POTEC: variants seen among roughly 807,000 people sequenced by gnomAD.
The protein encoded by POTEC is ANKRD26-like family B member 2.
POTEC carries 35 observed loss-of-function variants against 62.0 expected under a neutral mutation model. That is an observed-to-expected ratio of 0.56 (90% CI 0.43 to 0.75). The LOEUF is 0.75. Among genes scored for constraint, POTEC ranks in the 30% least tolerant of loss-of-function variants. POTEC has a pLI of 0.00. For missense variants in POTEC, 472 were observed against 655.9 expected (o/e 0.72, Z 3.06); for synonymous variants, 156 against 221.5 (o/e 0.70, Z 2.62).
chr18:14,539,245 G>A (rs1456766569), intron 1 of POTEC, among the ~76,000 whole-genome samples: 1 of 151,680 alleles, frequency 6.6e-6, no homozygotes, highest in East Asian at 1.9e-4. Context: ...TTTTAAAATG[G>A]ATTTATGAAA....
intron 1 of POTEC, among the ~76,000 whole-genome samples, chr18:14,542,300 C>T (rs1452255826): frequency 6.6e-6 from 1 of 152,126 alleles, no homozygotes; most frequent in Non-Finnish European, 1.5e-5. Context: ...CAATATACAC[C>T]TTTCTATAGT....
At chr18:14,523,937 G>A (rs1910372364) in intron 7 of POTEC, among the ~76,000 whole-genome samples, 1 of 152,094 alleles carries the variant, frequency 6.6e-6, no homozygotes, top group Non-Finnish European at 1.5e-5. Flanking sequence ...CCTAACTAGT[G>A]AGCCCTTGTA....
chr18:14,521,175 A>G (rs1336030503), intron 9 of POTEC, among the ~76,000 whole-genome samples: 10 of 152,156 alleles, frequency 6.6e-5, no homozygotes, highest in Admixed American at 6.6e-4. Flanking sequence ...TGAAGGTCCA[A>G]TATTTCGGCA....
chr18:14,533,545 AT>A, intron 4 of POTEC, among the ~76,000 whole-genome samples: 1 of 152,284 alleles, frequency 6.6e-6, no homozygotes, highest in Middle Eastern at 3.4e-3. Context: ...CTAGACTGAT[AT>A]GCTGTAATAG....
rs748338165 is a variant in POTEC at position 14,543,046 on chromosome 18, C to T, written c.101G>A (p.Cys34Tyr). The change falls in exon 1 of 11, where the codon TGC (cysteine) becomes TAC (tyrosine). Residue 34 changes from cysteine (C) to tyrosine (Y), a missense_variant. Cys to Tyr is a radical substitution (Grantham distance 194). This residue lies in a region of POTEC where 257 missense variants were observed against 250.7 expected (regional missense o/e 1.03). Transcript: ENST00000358970. Reference protein sequence around the residue: ...MGKWFHHRFPCCKGSGKSNMG... With the variant: ...MGKWFHHRFPYCKGSGKSNMG... The stretch of plus-strand genomic sequence containing the variant: ...GTTGCTCTTGCCGCTCCCCTTGCAG[C>T]AGGGGAAGCGGTGGTGAAACCACTT... The T allele has an allele frequency of 2.5e-6, 4 of 1,606,162 alleles. No individual in the cohort carries two copies. Among genetic ancestry groups the T allele is most frequent in the South Asian group, 2.2e-5 (2 of 90,590 alleles).
At chr18:14,532,658 G>C (rs1337844929) in intron 5 of POTEC, among the ~76,000 whole-genome samples, 3 of 152,078 alleles carry the variant, frequency 2.0e-5, no homozygotes, top group Admixed American at 6.5e-5. Flanking sequence ...TTTGGTTCTT[G>C]AAAAATTCAA....
chr18:14,527,832 T>C (rs991027812), intron 6 of POTEC: 6 of 152,102 alleles, frequency 3.9e-5, no homozygotes, highest in African/African-American at 1.4e-4. Flanking sequence ...GATTCCAAAC[T>C]TTATTTTGCC....
intron 10 of POTEC, among the ~76,000 whole-genome samples, chr18:14,513,033 G>GT (rs1289159862): frequency 1.3e-5 from 2 of 151,766 alleles, no homozygotes; most frequent in African/African-American, 4.8e-5. Flanking sequence ...CATTATAGTA[G>GT]TAAGTGTGAA....
chr18:14,542,576 TCCC>T (rs1905975387), intron 1 of POTEC, 47 bp downstream of exon 1: 1 of 1,610,748 alleles, frequency 6.2e-7, no homozygotes, highest in African/African-American at 1.3e-5. Flanking sequence ...GGAGGGTATG[TCCC>T]CATCATCCCC....
At chr18:14,529,112 T>C (rs537016207) in intron 6 of POTEC, 1 of 432,512 alleles carries the variant, frequency 2.3e-6, no homozygotes, top group East Asian at 7.0e-5. Context: ...AAAACTTTCA[T>C]TCCTCATCAC....
At position 14,513,705 on chromosome 18, in the gene POTEC, T is replaced by C; in HGVS notation, c.1490A>G (p.Lys497Arg). 6.2e-7 allele frequency: 1 copy of C among 1,611,782 alleles called. No homozygotes were observed. Among genetic ancestry groups the C allele is most frequent in the South Asian group, 1.1e-5 (1 of 90,890 alleles). ...GISQDEILTN[K>R]QKQIEVAEKK... The stretch of plus-strand genomic sequence containing the variant: ...TTCAGCCACTTCTATCTGCTTTTGT[T>C]TATTAGTCAGAATCTCATCTTGTGA... The change falls in exon 10 of 11, where the codon AAA becomes AGA. Residue 497 changes from lysine (K) to arginine (R), a missense_variant. By Grantham distance (26) the Lys-to-Arg change is conservative. Coordinates refer to ENST00000358970, the MANE Select transcript of POTEC (RefSeq NM_001137671.2).
chr18:14,518,902 G>A (rs187854140), intron 9 of POTEC, among the ~76,000 whole-genome samples: 2 of 151,976 alleles, frequency 1.3e-5, no homozygotes, highest in Admixed American at 1.3e-4. Context: ...CGAGTGAAAT[G>A]GGAGATAATC....
intron 6 of POTEC, 63 bp from the exon 7 acceptor site, chr18:14,525,046 T>C (rs1459605356): frequency 2.0e-5 from 31 of 1,573,416 alleles, no homozygotes; most frequent in Non-Finnish European, 2.6e-5. Flanking sequence ...AACTATTGCC[T>C]TTATAAAAAC....
At chr18:14,515,808 A>C (rs1235647267) in intron 9 of POTEC, among the ~76,000 whole-genome samples, 1 of 151,670 alleles carries the variant, frequency 6.6e-6, no homozygotes, top group East Asian at 1.9e-4. Flanking sequence ...AACCTACCAG[A>C]AACTCAAACA....
At chr18:14,528,556 T>C (rs1040947247) in intron 6 of POTEC, among the ~76,000 whole-genome samples, 1 of 151,996 alleles carries the variant, frequency 6.6e-6, no homozygotes, top group African/African-American at 2.4e-5. Flanking sequence ...AAATGTTGTG[T>C]TGTGAGAACA....
intron 6 of POTEC, among the ~76,000 whole-genome samples, chr18:14,525,501 C>G (rs1332412673): frequency 1.3e-5 from 2 of 151,816 alleles, no homozygotes; most frequent in Non-Finnish European, 2.9e-5. Flanking sequence ...TCCCCTCCCC[C>G]TCAGCATTTA....
rs778593082 is a variant in POTEC, at chr18:14,543,169, G to A, written c.-23C>T. ...CATCTGCTTTTAACAGCCCGGGGAGGCCGGTAGTAGCGAACAGATCGCGTC... is the reference window on the plus strand; with the variant it reads ...CATCTGCTTTTAACAGCCCGGGGAGACCGGTAGTAGCGAACAGATCGCGTC... On this transcript the variant is annotated 5_prime_UTR_variant, in exon 1 of 11. Coordinates refer to ENST00000358970, the MANE Select transcript of POTEC (RefSeq NM_001137671.2). 8 of 1,613,736 alleles carry A rather than the reference G, an allele frequency of 5.0e-6. No individual in the cohort carries two copies. Among genetic ancestry groups the A allele is most frequent in the South Asian group, 1.1e-5 (1 of 91,060 alleles).
rs1199086289 is a variant in POTEC at position 14,538,158 on chromosome 18, T to A, written c.613A>T (p.Lys205Ter). The A allele has an allele frequency of 6.2e-7, 1 of 1,610,600 alleles. No individual in the cohort carries two copies. The highest frequency in any genetic ancestry group is 8.5e-7 in the Non-Finnish European group (1 of 1,179,388). Reference sequence around the variant, plus strand: ...ACCTTTATCAGAGCTGTCCTTTTTTTGTTGTCAAGGACATTAAGTTGACAT... The same window carrying A: ...ACCTTTATCAGAGCTGTCCTTTTTTAGTTGTCAAGGACATTAAGTTGACAT... ...RRCQLNVLDN[K>*]KRTALIKAVQ... The change falls in exon 2 of 11, where the codon AAA becomes TAA. Residue 205 changes from lysine (K) to a stop codon, truncating the protein, a stop_gained. Coordinates refer to ENST00000358970, the MANE Select transcript of POTEC (RefSeq NM_001137671.2). LOFTEE classifies it high-confidence loss of function.
intron 1 of POTEC, among the ~76,000 whole-genome samples, chr18:14,538,989 G>A (rs1360344921): frequency 4.6e-5 from 7 of 152,266 alleles, no homozygotes; most frequent in African/African-American, 4.8e-5. Flanking sequence ...CAGATGACTA[G>A]CATTTAGATA....
Sources: gnomAD v4.1 joint callset for allele counts (sites outside exome capture counted in the v4.1 genomes callset) on GRCh38, gnomAD v4.1.1 for gene constraint, gnomAD v4.1.1 regional missense constraint, MANE v1.5 for transcripts, NCBI Gene and HGNC (gene_info 2026-07-23, HGNC 2026-07-21) for gene names.